The following CFAP107 variants were observed in gnomAD, a reference collection of about 807,000 sequenced individuals.
CFAP107 encodes cilia- and flagella-associated protein 107.
the CFAP107 span, among the ~76,000 whole-genome samples, chr1:12,760,521 G>T: frequency 6.6e-6 from 1 of 152,118 alleles, no homozygotes; most frequent in Non-Finnish European, 1.5e-5. Flanking sequence ...CTTTTCCAAG[G>T]CCCCCGTGGC....
At chr1:12,757,593 T>G in the CFAP107 span, among the ~76,000 whole-genome samples, 1 of 151,940 alleles carries the variant, frequency 6.6e-6, no homozygotes, top group East Asian at 1.9e-4. Context: ...GCCATGTTGG[T>G]CAGGCTAGTC....
the CFAP107 span, among the ~76,000 whole-genome samples, chr1:12,760,445 T>C: frequency 2.0e-5 from 3 of 152,130 alleles, no homozygotes; most frequent in African/African-American, 7.2e-5. Flanking sequence ...ACAGCTTCCT[T>C]CCCGACAGGG....
chr1:12,753,285 T>C, the CFAP107 span: 2 of 151,146 alleles, frequency 1.3e-5, no homozygotes, highest in Non-Finnish European at 2.9e-5. Flanking sequence ...AAGATATCAA[T>C]ACTACACAAA....
At chr1:12,754,296 G>C in the CFAP107 span, among the ~76,000 whole-genome samples, 1 of 152,168 alleles carries the variant, frequency 6.6e-6, no homozygotes, top group Non-Finnish European at 1.5e-5. Flanking sequence ...CTGATTATTA[G>C]GGAAATCCAA....
At chr1:12,754,883 G>A in the CFAP107 span, among the ~76,000 whole-genome samples, 2 of 152,166 alleles carry the variant, frequency 1.3e-5, no homozygotes, top group African/African-American at 4.8e-5. Flanking sequence ...GGTGCTTAAC[G>A]GTCACAGAGT....
the CFAP107 span, among the ~76,000 whole-genome samples, chr1:12,749,637 A>G: frequency 2.0e-5 from 3 of 146,346 alleles, no homozygotes; most frequent in Non-Finnish European, 3.0e-5. Context: ...AAAAAAACAA[A>G]AACAGATTAT....
chr1:12,746,803 G>A, the CFAP107 span, among the ~76,000 whole-genome samples: 62 of 152,200 alleles, frequency 4.1e-4, no homozygotes, highest in East Asian at 0.01. Flanking sequence ...TATAACAGGG[G>A]CATTGAAAAT....
At chr1:12,746,647 T>C in the CFAP107 span, 1 of 809,748 alleles carries the variant, frequency 1.2e-6, no homozygotes, top group South Asian at 1.5e-5. Flanking sequence ...GATGATTGCA[T>C]CTTAAAAATG....
the CFAP107 span, chr1:12,761,320 A>G: frequency 6.0e-6 from 1 of 167,964 alleles, no homozygotes; most frequent in Non-Finnish European, 1.3e-5. Context: ...CATGGAGGAA[A>G]TGAATCTGAT....
chr1:12,747,758 A>G, the CFAP107 span, among the ~76,000 whole-genome samples: 8 of 152,290 alleles, frequency 5.3e-5, no homozygotes, highest in Middle Eastern at 3.4e-3. Flanking sequence ...GAGAAGTTCC[A>G]AAAGCAAGAA....
At chr1:12,759,504 G>T in the CFAP107 span, 1 of 1,614,050 alleles carries the variant, frequency 6.2e-7, no homozygotes, top group Non-Finnish European at 8.5e-7. Flanking sequence ...TTATAATTCA[G>T]GGTATTCCTC....
the CFAP107 span, chr1:12,759,605 AGC>A: frequency 5.1e-4 from 599 of 1,163,268 alleles, 5 homozygotes; most frequent in African/African-American, 8.5e-3. Context: ...CCAGGAGAGC[AGC>A]GGATGACATA....
chr1:12,752,348 G>A, the CFAP107 span, among the ~76,000 whole-genome samples: 11 of 150,216 alleles, frequency 7.3e-5, no homozygotes, highest in Non-Finnish European at 1.6e-4. Flanking sequence ...ACTTTGGGAA[G>A]CCAAGGCAGG....
chr1:12,757,827 C>T, the CFAP107 span, among the ~76,000 whole-genome samples: 1 of 152,084 alleles, frequency 6.6e-6, no homozygotes, highest in Non-Finnish European at 1.5e-5. Context: ...CCTAGGACAG[C>T]TTCCTCCTCC....
At chr1:12,761,930 A>G in the CFAP107 span, 2 of 152,218 alleles carry the variant, frequency 1.3e-5, no homozygotes, top group African/African-American at 4.8e-5. Flanking sequence ...GAACTCAGGC[A>G]TGGTCCTCGC....
the CFAP107 span, chr1:12,746,367 T>A: frequency 7.3e-7 from 1 of 1,361,452 alleles, no homozygotes; most frequent in Non-Finnish European, 1.0e-6. Context: ...TCATAACACC[T>A]TCCTCTCCCC....
At chr1:12,756,945 G>A in the CFAP107 span, among the ~76,000 whole-genome samples, 1 of 152,184 alleles carries the variant, frequency 6.6e-6, no homozygotes. Flanking sequence ...GTCAGGATAA[G>A]CAGCAACAGA....
chr1:12,749,160 C>A, the CFAP107 span, among the ~76,000 whole-genome samples: 2 of 152,140 alleles, frequency 1.3e-5, no homozygotes, highest in African/African-American at 4.8e-5. Context: ...CATAAATCTA[C>A]AAATCCAAGA....
the CFAP107 span, chr1:12,759,271 C>T: frequency 6.2e-7 from 1 of 1,603,766 alleles, no homozygotes; most frequent in African/African-American, 1.3e-5. Flanking sequence ...GGATGCTTCG[C>T]TCCTATCAGT....
Sources: gnomAD v4.1 joint callset for allele counts (sites outside exome capture counted in the v4.1 genomes callset) on GRCh38, gnomAD v4.1.1 for gene constraint, MANE v1.5 for transcripts, NCBI Gene and HGNC (gene_info 2026-07-23, HGNC 2026-07-21) for gene names.